The following NRXN3 variants were observed in gnomAD, a reference collection of about 807,000 sequenced individuals.
The protein encoded by NRXN3 is neurexin III.
NRXN3 carries 32 observed loss-of-function variants against 137.6 expected under a neutral mutation model. The observed-to-expected ratio is 0.23, with a 90% CI of 0.18 to 0.31. NRXN3 has a LOEUF of 0.31. NRXN3 is among the 10% of genes least tolerant of loss of function. The pLI, the probability that NRXN3 is intolerant of heterozygous loss-of-function variation, is 1.00. For missense variants in NRXN3, 1,574 were observed against 2,062.5 expected (o/e 0.76, Z 4.59); for synonymous variants, 798 against 784.5 (o/e 1.02, Z -0.29).
At chr14:78,458,511 T>C (rs1170228589) in intron 4 of NRXN3, among the ~76,000 whole-genome samples, 3 of 152,220 alleles carry the variant, frequency 2.0e-5, no homozygotes, top group East Asian at 3.9e-4. Context: ...TGTGAAATCA[T>C]ATTCTTCACG....
chr14:78,857,803 A>AGGT (rs1275282849), intron 10 of NRXN3, among the ~76,000 whole-genome samples: 1 of 152,140 alleles, frequency 6.6e-6, no homozygotes, highest in African/African-American at 2.4e-5. Context: ...GATTAATTAG[A>AGGT]GGTGGTGGGG....
intron 17 of NRXN3, among the ~76,000 whole-genome samples, chr14:79,669,401 CAATT>C (rs1270755802): frequency 1.3e-5 from 2 of 152,214 alleles, no homozygotes; most frequent in South Asian, 4.1e-4. Flanking sequence ...CAAAATGTAT[CAATT>C]AATCACTCAA....
intron 15 of NRXN3, among the ~76,000 whole-genome samples, chr14:79,091,623 G>A (rs545010689): frequency 2.0e-5 from 3 of 152,254 alleles, no homozygotes; most frequent in East Asian, 3.9e-4. Context: ...CATGCTGAGG[G>A]TATTATTGTA....
chr14:79,110,624 A>T (rs2053301651), intron 15 of NRXN3, among the ~76,000 whole-genome samples: 1 of 152,178 alleles, frequency 6.6e-6, no homozygotes, highest in African/African-American at 2.4e-5. Flanking sequence ...TAGTTTAGTT[A>T]ATATGATGCA....
intron 4 of NRXN3, among the ~76,000 whole-genome samples, chr14:78,411,729 G>A (rs913947254): frequency 1.3e-5 from 2 of 152,168 alleles, no homozygotes; most frequent in Non-Finnish European, 2.9e-5. Context: ...AAATCCACCA[G>A]TGCAGTTCTC....
intron 6 of NRXN3, among the ~76,000 whole-genome samples, chr14:78,662,105 C>T (rs1225901922): frequency 6.6e-6 from 1 of 151,566 alleles, no homozygotes; most frequent in African/African-American, 2.4e-5. Context: ...CAAACTCCTT[C>T]AAGCGATCCA....
At chr14:79,445,872 T>A (rs766846656) in intron 15 of NRXN3, among the ~76,000 whole-genome samples, 1 of 152,144 alleles carries the variant, frequency 6.6e-6, no homozygotes, top group Admixed American at 6.5e-5. Context: ...CTAAGGCAAT[T>A]GGAATCCATT....
intron 1 of NRXN3, among the ~76,000 whole-genome samples, chr14:78,199,247 G>A (rs1418668913): frequency 6.6e-6 from 1 of 152,068 alleles, no homozygotes; most frequent in Non-Finnish European, 1.5e-5. Context: ...CACCCAGGAT[G>A]TTCACTAAGG....
intron 15 of NRXN3, among the ~76,000 whole-genome samples, chr14:79,133,802 G>T (rs780131572): frequency 6.6e-6 from 1 of 151,752 alleles, no homozygotes; most frequent in Non-Finnish European, 1.5e-5. Context: ...GGTGGTGGGC[G>T]CCTGTAGTCC....
intron 4 of NRXN3, among the ~76,000 whole-genome samples, chr14:78,536,998 G>A (rs2096542531): frequency 6.6e-6 from 1 of 151,614 alleles, no homozygotes; most frequent in Admixed American, 6.6e-5. Context: ...TCTTAATCCA[G>A]TCTATCATTG....
chr14:78,273,965 C>T (rs902689107), intron 2 of NRXN3, among the ~76,000 whole-genome samples: 1 of 152,180 alleles, frequency 6.6e-6, no homozygotes, highest in Non-Finnish European at 1.5e-5. Flanking sequence ...TTGACTGGGA[C>T]TCGCCTACAG....
chr14:79,254,461 A>G (rs2076321389), intron 15 of NRXN3, among the ~76,000 whole-genome samples: 2 of 152,154 alleles, frequency 1.3e-5, no homozygotes, highest in Non-Finnish European at 2.9e-5. Flanking sequence ...TTGAAAAGAA[A>G]TATTTCACCT....
intron 8 of NRXN3, among the ~76,000 whole-genome samples, chr14:78,755,297 G>A (rs1309324910): frequency 6.6e-6 from 1 of 151,828 alleles, no homozygotes; most frequent in African/African-American, 2.4e-5. Flanking sequence ...AAAGTGGTGG[G>A]ATTACAGGTG....
intron 2 of NRXN3, among the ~76,000 whole-genome samples, chr14:78,258,610 T>C (rs942252833): frequency 9.2e-5 from 14 of 152,088 alleles, no homozygotes; most frequent in African/African-American, 1.4e-4. Context: ...ATCCATAAGA[T>C]AGACTATAGC....
intron 6 of NRXN3, among the ~76,000 whole-genome samples, chr14:78,699,056 C>A (rs1189483685): frequency 6.6e-6 from 1 of 151,948 alleles, no homozygotes; most frequent in African/African-American, 2.4e-5. Context: ...TTGAGAGATA[C>A]AGAGAGAAAA....
In NRXN3 at chr14:78,913,274, C is replaced by CTTTCTTTT. The variant is rs1225280841; in HGVS notation, c.2276-43965_2276-43964insCTTTTTTT. On this transcript the variant is annotated intron_variant, in intron 10 of 20. Coordinates refer to ENST00000335750, the MANE Select transcript of NRXN3 (RefSeq NM_001330195.2). Reference sequence around the variant, plus strand: ...TCTTTCTTTCTTTCTTTCTTTCTTTCTTTTTTTTTTTTTTTTTTTTTTTTG... The same window carrying CTTTCTTTT: ...TCTTTCTTTCTTTCTTTCTTTCTTTCTTTCTTTTTTTTTTTTTTTTTTTTTTTTTTTTG... Among the ~76,000 whole-genome samples, 165 of 47,850 alleles carry CTTTCTTTT rather than the reference C, an allele frequency of 3.4e-3. 9 individuals are homozygous for CTTTCTTTT. The highest frequency in any genetic ancestry group is 0.032 in the East Asian group (41 of 1,280). 31.4% of individuals were successfully genotyped at this position (47,850 alleles called of 152,430 possible).
chr14:78,543,704 CT>C (rs2096612691), intron 4 of NRXN3, among the ~76,000 whole-genome samples: 1 of 152,050 alleles, frequency 6.6e-6, no homozygotes, highest in Admixed American at 6.6e-5. Context: ...TTGCTGTTGA[CT>C]TTGTTGTTGT....
At chr14:78,868,027 A>T (rs989097130) in intron 10 of NRXN3, among the ~76,000 whole-genome samples, 23 of 148,254 alleles carry the variant, frequency 1.6e-4, no homozygotes, top group African/African-American at 5.6e-4. Flanking sequence ...TTATAAATTT[A>T]TATATAAATT....
chr14:79,075,703 G>C (rs1329080545), intron 15 of NRXN3, among the ~76,000 whole-genome samples: 6 of 152,144 alleles, frequency 3.9e-5, no homozygotes, highest in Non-Finnish European at 5.9e-5. Context: ...AATGCATGCT[G>C]TTTGATTACA....
Sources: gnomAD v4.1 joint callset for allele counts (sites outside exome capture counted in the v4.1 genomes callset) on GRCh38, gnomAD v4.1.1 for gene constraint, MANE v1.5 for transcripts, NCBI Gene and HGNC (gene_info 2026-07-23, HGNC 2026-07-21) for gene names.